Variants in LNX1 observed in about 807,000 individuals in gnomAD.
LNX1 encodes the protein ligand of numb-protein X 1, also known as E3 ubiquitin-protein ligase LNX.
LNX1 carries 54 observed loss-of-function variants against 68.4 expected under a neutral mutation model. The ratio of observed to expected loss-of-function variants is 0.79; its 90% CI spans 0.63 to 0.99. The LOEUF (loss-of-function observed/expected upper bound fraction) is 0.99, where lower values mean the gene tolerates loss of function less well. LNX1 is among the 50% of genes least tolerant of loss of function. The pLI is 0.00. For missense variants in LNX1, 906 were observed against 926.4 expected, an observed-to-expected ratio of 0.98 and a Z score of 0.29; for synonymous variants, 336 against 350.0, an observed-to-expected ratio of 0.96 and a Z score of 0.45.
chr4:53,464,162 G>A (rs1722458268), intron 9 of LNX1, among the ~76,000 whole-genome samples: 1 of 152,226 alleles, frequency 6.6e-6, no homozygotes, highest in African/African-American at 2.4e-5. Context: ...TTCACAAAAT[G>A]TTGCTTTATT....
intron 1 of LNX1, among the ~76,000 whole-genome samples, chr4:53,628,956 TG>T (rs1414127623): frequency 9.9e-5 from 15 of 152,082 alleles, no homozygotes; most frequent in African/African-American, 3.6e-4. Flanking sequence ...AGCGAGATAA[TG>T]GACTATGGAG....
intron 2 of LNX1, among the ~76,000 whole-genome samples, chr4:53,559,860 CT>C (rs1553938051): frequency 1.7e-5 from 2 of 118,758 alleles, no homozygotes; most frequent in African/African-American, 5.9e-5. Flanking sequence ...GAGGGTCCCT[CT>C]ATGTTGCCCA....
intron 2 of LNX1, among the ~76,000 whole-genome samples, chr4:53,561,117 C>A (rs1457924577): frequency 6.6e-6 from 1 of 152,188 alleles, no homozygotes; most frequent in Non-Finnish European, 1.5e-5. Flanking sequence ...GTTAGAAGGT[C>A]ACAGTAAGGA....
In LNX1 at chr4:53,461,628, T is replaced by TAA. The variant is rs757776029; in HGVS notation, c.1893-37_1893-36dup. Reference sequence around the variant, plus strand: ...AATGTAATCAGTGTACATGCATATTTAAGTTTCACAGTTAAGGGAATACTT... The same window carrying TAA: ...AATGTAATCAGTGTACATGCATATTTAAAAGTTTCACAGTTAAGGGAATACTT... On this transcript the variant is annotated intron_variant, in intron 9 of 10. Transcript: ENST00000263925. 8 of 1,533,422 alleles carry TAA rather than the reference T, an allele frequency of 5.2e-6. No individual in the cohort carries two copies. In the East Asian group the frequency reaches 1.4e-4, roughly 26 times the overall value. 95.0% of individuals were successfully genotyped at this position (1,533,422 alleles called of 1,614,324 possible). A position where few individuals can be genotyped will look rare whatever the true frequency, so the allele number is the denominator to read the frequency against.
At chr4:53,625,282 C>A (rs1039578640) in intron 1 of LNX1, among the ~76,000 whole-genome samples, 3 of 152,056 alleles carry the variant, frequency 2.0e-5, no homozygotes, top group Non-Finnish European at 4.4e-5. Flanking sequence ...AATAAAAAGA[C>A]AAACCATGGA....
At chr4:53,620,051 C>T (rs4864478), upstream of LNX1, among the ~76,000 whole-genome samples, 1,728 of 152,296 alleles carry the variant, frequency 0.011, 24 homozygotes, top group African/African-American at 0.03. Context: ...CTGTTTGTAA[C>T]GAAACACATT....
chr4:53,536,859 T>C (rs2109641424), intron 2 of LNX1, among the ~76,000 whole-genome samples: 1 of 152,370 alleles, frequency 6.6e-6, no homozygotes, highest in African/African-American at 2.4e-5. Flanking sequence ...AGATTGCATT[T>C]ATTACACTAT....
At chr4:53,516,320 T>C (rs1726780011) in intron 2 of LNX1, among the ~76,000 whole-genome samples, 1 of 152,142 alleles carries the variant, frequency 6.6e-6, no homozygotes, top group Admixed American at 6.5e-5. Flanking sequence ...GTAACTAGCA[T>C]AATTATTGTC....
At chr4:53,638,337 G>A (rs1230402923) in intron 1 of LNX1, among the ~76,000 whole-genome samples, 3 of 152,214 alleles carry the variant, frequency 2.0e-5, no homozygotes, top group Non-Finnish European at 4.4e-5. Context: ...TATAGGTATA[G>A]TCAATTGGTC....
At chr4:53,594,757 G>A (rs1276954357), upstream of LNX1, among the ~76,000 whole-genome samples, 1 of 151,192 alleles carries the variant, frequency 6.6e-6, no homozygotes, top group African/African-American at 2.4e-5. Flanking sequence ...TGTCATCCAA[G>A]CTATAGTGCA....
At chr4:53,540,509 C>T (rs533003747) in intron 2 of LNX1, among the ~76,000 whole-genome samples, 8 of 151,728 alleles carry the variant, frequency 5.3e-5, no homozygotes, top group Non-Finnish European at 5.9e-5. Context: ...GGTGAAACCC[C>T]GTCTCTACTG....
chr4:53,483,682 G>T (rs1370336467), intron 6 of LNX1, among the ~76,000 whole-genome samples: 1 of 152,206 alleles, frequency 6.6e-6, no homozygotes, highest in Non-Finnish European at 1.5e-5. Context: ...GTAAGGTTTG[G>T]TGGTTCCTCT....
intron 1 of LNX1, chr4:53,576,051 C>G (rs1266995901): frequency 2.4e-5 from 37 of 1,563,074 alleles, no homozygotes; most frequent in Non-Finnish European, 3.0e-5. Flanking sequence ...GGGACCAGCT[C>G]CAGGAACTCT....
chr4:53,527,051 T>TAAAAAAAAAAAAAAAAAA (rs11415751), intron 2 of LNX1, among the ~76,000 whole-genome samples: 2 of 121,476 alleles, frequency 1.6e-5, no homozygotes, highest in Non-Finnish European at 1.6e-5. Context: ...TCCCTGCCCC[T>TAAAAAAAAAAAAAAAAAA]AAAAAAAAAA....
rs1239434803 is a variant in LNX1 at position 53,508,137 on chromosome 4, G to A, written c.471C>T (p.Ala157=). The change falls in exon 3 of 11, where the codon GCC becomes GCT. Residue 157 remains alanine (A), a synonymous_variant. Coordinates refer to ENST00000263925, the MANE Select transcript of LNX1 (RefSeq NM_001126328.3). The stretch of plus-strand genomic sequence containing the variant: ...CAGAAACCTCTGGGGAGGGAGCCGT[G>A]GCTGTGAGGCTCGCACAGCCGTCTG... ...GCPDGCASLT[A]TAPSPEVSAA... is the part of the protein sequence containing the mutation. 5 of 1,614,044 alleles carry A rather than the reference G, an allele frequency of 3.1e-6. No individual in the cohort carries two copies. Among genetic ancestry groups the A allele is most frequent in the Non-Finnish European group, 1.7e-6 (2 of 1,180,030 alleles).
chr4:53,496,699 G>A, intron 5 of LNX1: 1 of 292,388 alleles, frequency 3.4e-6, no homozygotes, highest in Non-Finnish European at 6.3e-6. Context: ...TTTTTTAGCT[G>A]GCAGGAAGAG....
chr4:53,584,794 C>G (rs1326855903), intron 1 of LNX1, among the ~76,000 whole-genome samples: 1 of 152,224 alleles, frequency 6.6e-6, no homozygotes, highest in Non-Finnish European at 1.5e-5. Context: ...CAGCTTCTAT[C>G]TGAAACACTT....
chr4:53,493,652 G>A (rs191108367), intron 6 of LNX1, among the ~76,000 whole-genome samples: 4 of 152,338 alleles, frequency 2.6e-5, no homozygotes, highest in African/African-American at 7.2e-5. Context: ...AGATAACCAA[G>A]TCCTTGAAAG....
chr4:53,619,950 C>G (rs1476639509), upstream of LNX1, among the ~76,000 whole-genome samples: 1 of 152,046 alleles, frequency 6.6e-6, no homozygotes, highest in Non-Finnish European at 1.5e-5. Flanking sequence ...TAATTAAGAA[C>G]AAATAAAAAC....
Sources: allele counts gnomAD v4.1 joint callset (sites outside exome capture counted in the v4.1 genomes callset), GRCh38; gene constraint gnomAD v4.1.1; transcripts MANE v1.5; gene names NCBI Gene and HGNC (gene_info 2026-07-23, HGNC 2026-07-21).